The following ACSM3 variants were observed in gnomAD, a reference collection of about 807,000 sequenced individuals.
ACSM3 encodes acyl-CoA synthetase medium chain family member 3.
ACSM3 carries 61 observed loss-of-function variants against 74.1 expected under a neutral mutation model. The ratio of observed to expected loss-of-function variants is 0.82; its 90% CI spans 0.67 to 1.02. ACSM3 has a LOEUF of 1.02. ACSM3 is among the 50% of genes least tolerant of loss of function. The pLI is 0.00. For missense variants in ACSM3, 660 were observed against 697.0 expected (o/e 0.95, Z 0.60); for synonymous variants, 213 against 241.5 (o/e 0.88, Z 1.09).
At chr16:20,737,779 G>A in intron 1 of ACSM3, 1 of 1,613,784 alleles carries the variant, frequency 6.2e-7, no homozygotes, top group Non-Finnish European at 8.5e-7. Flanking sequence ...AATCTGAAAT[G>A]TCCCTTTGTT....
chr16:20,675,055 G>T (rs2020185002), intron 1 of ACSM3, among the ~76,000 whole-genome samples: 1 of 152,174 alleles, frequency 6.6e-6, no homozygotes, highest in African/African-American at 2.4e-5. Context: ...CTGGCAGAAT[G>T]GTAAGAGTGG....
rs746227909 is a variant in ACSM3 at position 20,717,956 on chromosome 16, GGAAGAAGAAGAAGAAGAAGAAGAAGAA to G, written c.-189-31908_-189-31882del. Among the ~76,000 whole-genome samples the G allele has an allele frequency of 7.8e-3, 581 of 74,440 alleles. 5 individuals are homozygous for G. Among genetic ancestry groups the G allele is most frequent in the African/African-American group, 0.021 (440 of 20,906 alleles). The allele number at this position is 74,440 out of a possible 152,430, so 48.8% of individuals were successfully genotyped here. ...GAGAAGGAGAAGAGGAAGAGGAAGA[GGAAGAAGAAGAAGAAGAAGAAGAAGAA>G]GAAGAAGAAGAAGAAGAAGAAGAAG... On this transcript the variant is annotated intron_variant, in intron 1 of 3. Transcript: ENST00000561584.
In ACSM3 at chr16:20,790,636, T is replaced by C. The variant is rs775745545; in HGVS notation, c.1274T>C (p.Ile425Thr). 15 of 1,614,150 alleles carry C rather than the reference T, an allele frequency of 9.3e-6. 1 individual carries two copies. The Admixed American group carries it at 1.5e-4, about 16-fold the overall frequency. ...CTACCTCCTGGACAAGAAGGAGATA[T>C]TGGCATTCAAGTTCTACCCAACCGA... is the stretch of plus-strand genomic sequence containing the variant. ...NVLPPGQEGD[I>T]GIQVLPNRPF... Residue 425 changes from isoleucine to threonine, a missense_variant, in exon 10 of 14, where the codon ATT (isoleucine) becomes ACT (threonine). Ile to Thr is a moderately conservative substitution (Grantham distance 89). Transcript: ENST00000289416. The surrounding 1 kb of genome is among the most constrained non-coding windows in gnomAD (Gnocchi z 4.0).
intron 1 of ACSM3, among the ~76,000 whole-genome samples, chr16:20,745,843 A>T (rs1472875538): frequency 6.6e-6 from 1 of 152,036 alleles, no homozygotes; most frequent in Non-Finnish European, 1.5e-5. Flanking sequence ...CAGGTAGGAG[A>T]TGCTCTTAGA....
chr16:20,777,583 G>C lies in ACSM3; in HGVS notation c.638+3G>C. 1 of 1,611,226 alleles carries C rather than the reference G, an allele frequency of 6.2e-7. No individual in the cohort carries two copies. The highest frequency in any genetic ancestry group is 1.7e-5 in the Admixed American group (1 of 59,962). ...GGGAACCTCAAGGAGTTGATGAAGTGAGTAGCCACACTTGTTGTAAAACAG... is the reference window on the plus strand; with the variant it reads ...GGGAACCTCAAGGAGTTGATGAAGTCAGTAGCCACACTTGTTGTAAAACAG... On this transcript the variant is annotated splice_donor_region_variant and intron_variant, in intron 4 of 13. Transcript: ENST00000289416.
chr16:20,783,369 G>A (rs1316446783), intron 7 of ACSM3: 1 of 152,156 alleles, frequency 6.6e-6, no homozygotes. Context: ...GAGACCAGAA[G>A]TCTTTTGGAT....
chr16:20,722,547 A>T (rs1240012788), intron 1 of ACSM3, among the ~76,000 whole-genome samples: 3 of 151,948 alleles, frequency 2.0e-5, no homozygotes, highest in Non-Finnish European at 2.9e-5. Flanking sequence ...GAAAAAACCT[A>T]AAAAGTGCTG....
At chr16:20,739,564 T>C (rs1338310490) in intron 1 of ACSM3, among the ~76,000 whole-genome samples, 1 of 152,060 alleles carries the variant, frequency 6.6e-6, no homozygotes, top group African/African-American at 2.4e-5. Context: ...CTCATGCCCA[T>C]AATCCCAGCA....
chr16:20,720,356 T>G (rs1205539114), intron 1 of ACSM3, among the ~76,000 whole-genome samples: 1 of 152,198 alleles, frequency 6.6e-6, no homozygotes, highest in African/African-American at 2.4e-5. Context: ...AGGCATTAGA[T>G]TCTCATAAGG....
intron 1 of ACSM3, chr16:20,737,429 C>G: frequency 1.1e-6 from 1 of 901,884 alleles, no homozygotes; most frequent in Non-Finnish European, 1.6e-6. Flanking sequence ...AATCTGAACC[C>G]TTACAATAAA....
At chr16:20,741,651 C>T in intron 1 of ACSM3, 1 of 1,582,292 alleles carries the variant, frequency 6.3e-7, no homozygotes, top group Non-Finnish European at 8.6e-7. Context: ...AGCGTCGCAG[C>T]GCCGAGCGCG....
chr16:20,690,130 A>G (rs576514388), intron 1 of ACSM3, among the ~76,000 whole-genome samples: 1 of 152,356 alleles, frequency 6.6e-6, no homozygotes, highest in East Asian at 1.9e-4. Flanking sequence ...GGAAGATGCC[A>G]TAAAGGCATG....
chr16:20,736,991 C>T (rs2079875145), intron 1 of ACSM3: 2 of 1,614,100 alleles, frequency 1.2e-6, no homozygotes, highest in African/African-American at 2.7e-5. Flanking sequence ...GTTTTGTCTG[C>T]CCCAGCTCCT....
At chr16:20,740,364 A>G (rs777623755) in intron 1 of ACSM3, among the ~76,000 whole-genome samples, 3 of 152,192 alleles carry the variant, frequency 2.0e-5, no homozygotes, top group Non-Finnish European at 2.9e-5. Flanking sequence ...ACTGTACTCC[A>G]ACCTCCACCT....
At chr16:20,734,852 T>A (rs78631656) in intron 1 of ACSM3, 7,573 of 152,230 alleles carry the variant, frequency 0.05, 422 homozygotes, top group African/African-American at 0.13. Context: ...TAGGGCTGAG[T>A]TCATTCTCTT....
intron 1 of ACSM3, among the ~76,000 whole-genome samples, chr16:20,732,708 A>T (rs2079838022): frequency 6.6e-6 from 1 of 152,154 alleles, no homozygotes; most frequent in Admixed American, 6.6e-5. Flanking sequence ...TTGCACTAAA[A>T]ACCCCCAAGA....
chr16:20,741,606 C>G lies in ACSM3; in HGVS notation c.-189-8304C>G. 6.4e-7 allele frequency: 1 copy of G among 1,573,474 alleles called. No homozygotes were observed. The highest frequency in any genetic ancestry group is 8.6e-7 in the Non-Finnish European group (1 of 1,159,492). On this transcript the variant is annotated intron_variant, in intron 1 of 3. Transcript: ENST00000561584. The stretch of plus-strand genomic sequence containing the variant: ...GTTCATATTGCAGGTGATGAGGATG[C>G]CCTGTAGCCCGGGCTCTAGCTGACG...
intron 9 of ACSM3, among the ~76,000 whole-genome samples, chr16:20,789,134 A>G (rs1392616934): frequency 1.3e-5 from 2 of 152,186 alleles, no homozygotes; most frequent in Non-Finnish European, 2.9e-5. Context: ...AGAAATGCTA[A>G]TCTGATTTTT....
At chr16:20,779,910 A>G (rs1450348359) in intron 4 of ACSM3, 1 of 182,616 alleles carries the variant, frequency 5.5e-6, no homozygotes, top group Admixed American at 6.1e-5. Flanking sequence ...GATTACAGGT[A>G]TGTGCCACTG....
Sources: allele counts gnomAD v4.1 joint callset (sites outside exome capture counted in the v4.1 genomes callset), GRCh38; gene constraint gnomAD v4.1.1; non-coding constraint Gnocchi (gnomAD v3.1); transcripts MANE v1.5; gene names NCBI Gene and HGNC (gene_info 2026-07-23, HGNC 2026-07-21).